Variants in KCNT1 observed in about 807,000 individuals in gnomAD.
KCNT1 encodes the protein potassium channel subfamily T member 1.
Under a neutral mutation model 147.8 loss-of-function variants are expected in KCNT1, and 78 were observed. That is an observed-to-expected ratio of 0.53 (90% CI 0.44 to 0.64). The LOEUF is 0.64. KCNT1 is among the 30% of genes least tolerant of loss of function. KCNT1 has a pLI of 0.00. For missense variants in KCNT1, 1,419 were observed against 1,750.3 expected, an observed-to-expected ratio of 0.81 and a Z score of 3.38; for synonymous variants, 867 against 748.8, an observed-to-expected ratio of 1.16 and a Z score of -2.58.
intron 2 of KCNT1, among the ~76,000 whole-genome samples, chr9:135,720,602 T>G (rs2131340358): frequency 1.3e-5 from 2 of 152,092 alleles, no homozygotes; most frequent in African/African-American, 4.8e-5. Context: ...CAGGCAGCCT[T>G]CCTCCAGAGG....
At chr9:135,731,991 TAGAGAG>T (rs1189149987) in intron 2 of KCNT1, among the ~76,000 whole-genome samples, 384 of 21,352 alleles carry the variant, frequency 0.018, 2 homozygotes, top group Non-Finnish European at 0.024. Flanking sequence ...TATATATATA[TAGAGAG>T]AGAGAGAGAG....
At chr9:135,764,103 G>A (rs1229986344) in intron 11 of KCNT1, among the ~76,000 whole-genome samples, 1 of 152,298 alleles carries the variant, frequency 6.6e-6, no homozygotes, top group East Asian at 1.9e-4. Flanking sequence ...TAGACCAGAC[G>A]ATAGCACATC....
chr9:135,704,414 C>T (rs958640865), intron 1 of KCNT1, among the ~76,000 whole-genome samples: 7 of 152,246 alleles, frequency 4.6e-5, no homozygotes, highest in Admixed American at 3.9e-4. Flanking sequence ...GAAAGTGGGG[C>T]TCCAGAGAGG....
At chr9:135,745,675 C>T (rs1019813991) in intron 2 of KCNT1, among the ~76,000 whole-genome samples, 5 of 152,240 alleles carry the variant, frequency 3.3e-5, no homozygotes, top group Non-Finnish European at 7.3e-5. Context: ...TGTCTGCTGT[C>T]CTCGGGACAC....
chr9:135,770,833 G>A (rs1442421010), intron 17 of KCNT1, 24 bp from the exon 18 acceptor site: 1 of 1,548,792 alleles, frequency 6.5e-7, no homozygotes, highest in Non-Finnish European at 8.7e-7. Flanking sequence ...GGCGGTACCT[G>A]AAGTTGCCGG....
At chr9:135,758,317 G>GGTGCA (rs1831655101) in intron 9 of KCNT1, 97 bp from the exon 10 acceptor site, 28 of 801,892 alleles carry the variant, frequency 3.5e-5, no homozygotes, top group Middle Eastern at 2.3e-4. Flanking sequence ...AGGTGTGGCC[G>GGTGCA]GGCCGTCTGC....
In KCNT1 at chr9:135,771,060, C is replaced by T. The variant is rs766224630; in HGVS notation, c.1973C>T (p.Ala658Val). ...FSGQGLHEGP[A>V]RLPVHSIIAS... is the part of the protein sequence containing the mutation. Reference sequence around the variant, plus strand: ...GGGCAGGGGCTGCACGAGGGTCCGGCCCGCCTGCCCGTGCACAGCATCATC... The same window carrying T: ...GGGCAGGGGCTGCACGAGGGTCCGGTCCGCCTGCCCGTGCACAGCATCATC... Residue 658 changes from alanine (A) to valine (V), a missense_variant, in exon 18 of 31, where the codon GCC becomes GTC. Physicochemically the swap from Ala to Val is moderately conservative, Grantham distance 64 (BLOSUM62 0). This residue lies in a region of KCNT1 where 284 missense variants were observed against 292.8 expected (regional missense o/e 0.97). Transcript: ENST00000371757. The T allele has an allele frequency of 1.2e-6, 2 of 1,611,700 alleles. No individual in the cohort carries two copies. Among genetic ancestry groups the T allele is most frequent in the Non-Finnish European group, 1.7e-6 (2 of 1,179,150 alleles).
At chr9:135,725,443 C>T (rs1019357790) in intron 2 of KCNT1, among the ~76,000 whole-genome samples, 6 of 152,214 alleles carry the variant, frequency 3.9e-5, no homozygotes, top group Non-Finnish European at 5.9e-5. Flanking sequence ...CCGGGACAGA[C>T]GCAGAGATCA....
intron 2 of KCNT1, among the ~76,000 whole-genome samples, chr9:135,732,008 A>AGG (rs1564328170): frequency 1.0e-5 from 1 of 97,868 alleles, no homozygotes; most frequent in Non-Finnish European, 2.1e-5. Flanking sequence ...AGAGAGAGAG[A>AGG]GAGAGAGAGA....
intron 11 of KCNT1, among the ~76,000 whole-genome samples, chr9:135,763,398 A>G (rs1273349886): frequency 6.6e-6 from 1 of 152,268 alleles, no homozygotes; most frequent in Non-Finnish European, 1.5e-5. Flanking sequence ...TCTGGAACAC[A>G]GCAGCGCCGG....
chr9:135,785,204 C>T, intron 27 of KCNT1, 106 bp from the exon 28 acceptor site: 1 of 1,512,854 alleles, frequency 6.6e-7, no homozygotes, highest in Non-Finnish European at 9.0e-7. Flanking sequence ...GCAGCAGGCA[C>T]CGTGCCCACC....
At position 135,734,608 on chromosome 9, in the gene KCNT1, C is replaced by T. The variant is rs574514345; in HGVS notation, c.255-15490C>T. ...GTTCTCTTGTCACATAACTCTCATC[C>T]TGTACTTCAAAGGCCACGAGTAAGT... On this transcript the variant is annotated intron_variant, in intron 2 of 30. Coordinates refer to ENST00000371757, the MANE Select transcript of KCNT1 (RefSeq NM_020822.3). Among the ~76,000 whole-genome samples the T allele has an allele frequency of 5.9e-5, 9 of 152,332 alleles. No individual in the cohort carries two copies. In the South Asian group the frequency reaches 1.9e-3, roughly 32 times the overall value.
At position 135,733,038 on chromosome 9, in the gene KCNT1, G is replaced by A. The variant is rs115267645; in HGVS notation, c.255-17060G>A. On this transcript the variant is annotated intron_variant, in intron 2 of 30. Coordinates refer to ENST00000371757, the MANE Select transcript of KCNT1 (RefSeq NM_020822.3). ...CAGGAGCAGTGTGGGGAGCAGCACC[G>A]CCTGTACCTCCTCTGTGACTCCCCT... is the stretch of plus-strand genomic sequence containing the variant. Among the ~76,000 whole-genome samples, 637 of 152,046 alleles carry A rather than the reference G, an allele frequency of 4.2e-3. 5 individuals carry two copies. Among genetic ancestry groups the A allele is most frequent in the African/African-American group, 0.014 (596 of 41,456 alleles).
chr9:135,778,051 C>A (rs77869255), intron 21 of KCNT1, among the ~76,000 whole-genome samples: 1 of 152,082 alleles, frequency 6.6e-6, no homozygotes, highest in African/African-American at 2.4e-5. Context: ...TCCCCCTCCT[C>A]CCTTGTCACT....
intron 2 of KCNT1, among the ~76,000 whole-genome samples, chr9:135,745,328 C>T (rs1445254323): frequency 6.6e-6 from 1 of 152,184 alleles, no homozygotes; most frequent in East Asian, 1.9e-4. Flanking sequence ...CGAGCCCACG[C>T]CCAGCTCCTG....
intron 21 of KCNT1, 25 bp downstream of exon 21, chr9:135,777,535 C>T: frequency 6.2e-7 from 1 of 1,600,738 alleles, no homozygotes; most frequent in Non-Finnish European, 8.5e-7. Context: ...GCTCAGCCCA[C>T]CCCGCCCACC....
rs569608254 is a variant in KCNT1 at position 135,774,634 on chromosome 9, TG to T, written c.2244-675del. ...TGTGTATGTTGTGTGTCGATGTGTG[TG>T]TTGTGTGTCTGGGTGTGTGGTGTGT... is the stretch of plus-strand genomic sequence containing the variant. On this transcript the variant is annotated intron_variant, in intron 19 of 30. Transcript: ENST00000371757. Among the ~76,000 whole-genome samples, 17 of 151,710 alleles carry T rather than the reference TG, an allele frequency of 1.1e-4. No individual in the cohort carries two copies. The East Asian group carries it at 1.9e-3, about 17-fold the overall frequency.
At chr9:135,703,033 C>G (rs1320245770) in intron 1 of KCNT1, 1 of 152,420 alleles carries the variant, frequency 6.6e-6, no homozygotes, top group Non-Finnish European at 1.5e-5. Context: ...CTGCCGTCCA[C>G]CCAGTGACCA....
At chr9:135,741,390 C>A (rs944653419) in intron 2 of KCNT1, among the ~76,000 whole-genome samples, 1 of 152,234 alleles carries the variant, frequency 6.6e-6, no homozygotes, top group African/African-American at 2.4e-5. Flanking sequence ...TGGGCTGAGG[C>A]ACTGCCAGGC....
Sources: gnomAD v4.1 joint callset for allele counts (sites outside exome capture counted in the v4.1 genomes callset) on GRCh38, gnomAD v4.1.1 for gene constraint, gnomAD v4.1.1 regional missense constraint, MANE v1.5 for transcripts, NCBI Gene and HGNC (gene_info 2026-07-23, HGNC 2026-07-21) for gene names.